TUBGCP5: variants seen among roughly 807,000 people sequenced by gnomAD.
The protein encoded by TUBGCP5 is tubulin gamma complex component 5, also known as gamma-tubulin complex component 5.
Under a neutral mutation model 134.7 loss-of-function variants are expected in TUBGCP5, and 98 were observed. The ratio of observed to expected loss-of-function variants is 0.73; its 90% CI spans 0.62 to 0.86. The LOEUF is 0.86. Ranked by LOEUF, TUBGCP5 falls within the 40% of genes least tolerant of loss-of-function variation. TUBGCP5 has a pLI of 0.00. For missense variants in TUBGCP5, 1,150 were observed against 1,244.8 expected (o/e 0.92, Z 1.15); for synonymous variants, 456 against 431.4 (o/e 1.06, Z -0.71).
intron 7 of TUBGCP5, among the ~76,000 whole-genome samples, chr15:23,026,525 A>G (rs1279963104): frequency 6.6e-6 from 1 of 152,194 alleles, no homozygotes; most frequent in Non-Finnish European, 1.5e-5. Context: ...CCTAATATAT[A>G]CCAATCCATT....
At chr15:22,984,756 T>C (rs2063632405) in intron 23 of TUBGCP5, among the ~76,000 whole-genome samples, 1 of 152,166 alleles carries the variant, frequency 6.6e-6, no homozygotes, top group Non-Finnish European at 1.5e-5. Flanking sequence ...TAGACCTAAA[T>C]TTGAAAGCTA....
rs1300920509 is a variant in TUBGCP5, at chr15:23,017,993, G to A, written c.1536C>T (p.Tyr512=). The part of the protein sequence containing the change: ...VNHRDFWYAT[Y]TLYSVSEKTE... ...TCTTTTCTGATACGCTATATAACGTGTAAGTTGCATACCAGAAGTCTCTGT... is the reference window on the plus strand; with the variant it reads ...TCTTTTCTGATACGCTATATAACGTATAAGTTGCATACCAGAAGTCTCTGT... Residue 512 remains tyrosine, a synonymous_variant, in exon 13 of 23, where the codon TAC becomes TAT. Transcript: ENST00000615383. 8.7e-6 allele frequency: 14 copies of A among 1,614,018 alleles called. No homozygotes were observed. Among genetic ancestry groups the A allele is most frequent in the Non-Finnish European group, 1.2e-5 (14 of 1,179,928 alleles).
chr15:22,996,335 C>T (rs2064078407), downstream of TUBGCP5, among the ~76,000 whole-genome samples: 2 of 151,940 alleles, frequency 1.3e-5, no homozygotes, highest in African/African-American at 4.8e-5. Flanking sequence ...TTCCTTGCCT[C>T]TTTGTGCTCA....
intron 11 of TUBGCP5, among the ~76,000 whole-genome samples, chr15:23,019,857 T>C (rs542402213): frequency 3.9e-5 from 6 of 152,104 alleles, no homozygotes; most frequent in Non-Finnish European, 7.4e-5. Context: ...ATCATATTGT[T>C]TGTAGTCCAG....
At chr15:22,989,624 C>T (rs2063789019) in intron 23 of TUBGCP5, among the ~76,000 whole-genome samples, 1 of 152,214 alleles carries the variant, frequency 6.6e-6, no homozygotes, top group African/African-American at 2.4e-5. Flanking sequence ...GGGATCCTCC[C>T]ACCTGGCCTC....
At chr15:23,014,257 T>C (rs12900170) in intron 13 of TUBGCP5, among the ~76,000 whole-genome samples, 20,508 of 152,142 alleles carry the variant, frequency 0.13, 1,820 homozygotes, top group East Asian at 0.46. Context: ...TGGCCCTGGG[T>C]CAGCATTCAG....
intron 23 of TUBGCP5, among the ~76,000 whole-genome samples, chr15:22,992,773 A>C (rs1226363575): frequency 6.6e-6 from 1 of 152,190 alleles, no homozygotes; most frequent in Non-Finnish European, 1.5e-5. Context: ...AAGTAGCAGC[A>C]GAAAGTTTAG....
chr15:23,034,701 A>C (rs2066484117), intron 3 of TUBGCP5, among the ~76,000 whole-genome samples: 1 of 152,074 alleles, frequency 6.6e-6, no homozygotes, highest in Non-Finnish European at 1.5e-5. Context: ...TCTACTAAAA[A>C]TACAAAAATT....
intron 3 of TUBGCP5, among the ~76,000 whole-genome samples, chr15:23,035,050 C>T (rs555157271): frequency 4.7e-4 from 71 of 151,852 alleles, no homozygotes; most frequent in African/African-American, 1.5e-3. Context: ...TAAAGAAGCT[C>T]GGCATGGTGG....
At position 23,036,897 on chromosome 15, in the gene TUBGCP5, C is replaced by T. The variant is rs1344893982; in HGVS notation, c.309G>A (p.Lys103=). ...NAPLPSIKEI[K]TDAHYSILSL... ...GGAGATCTCATAATTGAAGGCATAC[C>T]TTTATTTCCTTTATACTGGGAAGTG... is the stretch of plus-strand genomic sequence containing the variant. The change falls in exon 3 of 23, where the codon AAG becomes AAA. Residue 103 remains lysine (K), a splice_region_variant and synonymous_variant. Transcript: ENST00000615383. 6.4e-7 allele frequency: 1 copy of T among 1,570,482 alleles called. No individual in the cohort carries two copies.
Position 23,013,547 on chromosome 15 carries a change from G to A in TUBGCP5, c.1757-2216C>T, listed in dbSNP as rs912782610. On this transcript the variant is annotated intron_variant, in intron 13 of 22. Coordinates refer to ENST00000615383, the MANE Select transcript of TUBGCP5 (RefSeq NM_052903.6). The surrounding 1 kb of genome is among the most constrained non-coding windows in gnomAD (Gnocchi z 4.5). ...TGGAGGCCCAGGAGGGCAGTGTGGA[G>A]GCTTCCAGCCTCTGCAGCTTCGCAG... Among the ~76,000 whole-genome samples the A allele has an allele frequency of 6.6e-6, 1 of 152,192 alleles. No homozygotes were observed. Among genetic ancestry groups the A allele is most frequent in the East Asian group, 1.9e-4 (1 of 5,188 alleles).
rs1275199195 is a variant in TUBGCP5, at chr15:23,010,085, A to C, written c.2004T>G (p.Asp668Glu). 6.2e-7 allele frequency: 1 copy of C among 1,613,990 alleles called. No homozygotes were observed. The highest frequency in any genetic ancestry group is 1.3e-5 in the African/African-American group (1 of 74,926). The change falls in exon 15 of 23, where the codon GAT (aspartate) becomes GAG (glutamate). Residue 668 changes from aspartate to glutamate, a missense_variant. By Grantham distance (45) the Asp-to-Glu change is conservative. This residue lies in a region of TUBGCP5 where 697 missense variants were observed against 850.1 expected (regional missense o/e 0.82). Coordinates refer to ENST00000615383, the MANE Select transcript of TUBGCP5 (RefSeq NM_052903.6). ...ATTCCGATGATCTATCCACACATAC[A>C]TCACCACCAGCAAACTTCTCGTGAA... is the stretch of plus-strand genomic sequence containing the variant. ...SDFHEKFAGGDVCVDRSSESV... is the reference protein window; with the variant it reads ...SDFHEKFAGGEVCVDRSSESV...
chr15:23,017,667 G>T, intron 13 of TUBGCP5, 106 bp downstream of exon 13: 1 of 1,137,680 alleles, frequency 8.8e-7, no homozygotes, highest in Non-Finnish European at 1.2e-6. Flanking sequence ...AAATAAGAGG[G>T]TTTGATGACT....
At position 23,010,080 on chromosome 15, in the gene TUBGCP5, C is replaced by T. The variant is rs1287274687; in HGVS notation, c.2009G>A (p.Cys670Tyr). 1.2e-6 allele frequency: 2 copies of T among 1,614,140 alleles called. No individual in the cohort carries two copies. Among genetic ancestry groups the T allele is most frequent in the East Asian group, 4.5e-5 (2 of 44,888 alleles). Reference sequence around the variant, plus strand: ...CACAGATTCCGATGATCTATCCACACATACATCACCACCAGCAAACTTCTC... The same window carrying T: ...CACAGATTCCGATGATCTATCCACATATACATCACCACCAGCAAACTTCTC... ...FHEKFAGGDV[C>Y]VDRSSESVTC... is the part of the protein sequence containing the mutation. The change falls in exon 15 of 23, where the codon TGT (cysteine) becomes TAT (tyrosine). Residue 670 changes from cysteine (C) to tyrosine (Y), a missense_variant. Coordinates refer to ENST00000615383, the MANE Select transcript of TUBGCP5 (RefSeq NM_052903.6).
chr15:23,010,128 T>C lies in TUBGCP5; in HGVS notation c.1961A>G (p.Tyr654Cys), dbSNP rs2064953899. The C allele has an allele frequency of 1.2e-6, 2 of 1,611,416 alleles. No individual in the cohort carries two copies. Among genetic ancestry groups the C allele is most frequent in the African/African-American group, 1.3e-5 (1 of 74,898 alleles). ...PLLAINFARM[Y>C]LEQSDFHEKF... is the part of the protein sequence containing the mutation. ...CTCGTGAAAGTCACTCTGCTCCAAA[T>C]ACATCCTTCAAGATAAAAATGTGAG... The change falls in exon 15 of 23, where the codon TAT becomes TGT. Residue 654 changes from tyrosine (Y) to cysteine (C), a missense_variant. Transcript: ENST00000615383.
chr15:23,010,183 A>T, intron 14 of TUBGCP5, 50 bp from the exon 15 acceptor site: 1 of 1,558,054 alleles, frequency 6.4e-7, no homozygotes, highest in East Asian at 2.3e-5. Context: ...TGTCAACAGA[A>T]CTCTCTTAAA....
At chr15:23,008,955 T>C in intron 15 of TUBGCP5, 74 bp from the exon 16 acceptor site, 1 of 1,286,712 alleles carries the variant, frequency 7.8e-7, no homozygotes, top group Non-Finnish European at 1.1e-6. Context: ...AACAACAGGT[T>C]TTGTAACCTG....
intron 11 of TUBGCP5, 76 bp downstream of exon 11, chr15:23,021,883 G>C (rs2065716604): frequency 4.2e-6 from 6 of 1,431,554 alleles, no homozygotes; most frequent in Non-Finnish European, 5.9e-6. Flanking sequence ...TATCAACAAA[G>C]AACTACCATC....
At chr15:23,020,370 G>A (rs1420384058) in intron 11 of TUBGCP5, among the ~76,000 whole-genome samples, 1 of 151,726 alleles carries the variant, frequency 6.6e-6, no homozygotes, top group Non-Finnish European at 1.5e-5. Flanking sequence ...TCATGACACT[G>A]CACTCCAGCC....
Sources: allele counts gnomAD v4.1 joint callset (sites outside exome capture counted in the v4.1 genomes callset), GRCh38; gene constraint gnomAD v4.1.1; regional missense constraint gnomAD v4.1.1; non-coding constraint Gnocchi (gnomAD v3.1); transcripts MANE v1.5; gene names NCBI Gene and HGNC (gene_info 2026-07-23, HGNC 2026-07-21).